Variants in HTT observed in about 807,000 individuals in gnomAD.
HTT encodes huntingtin.
Under a neutral mutation model 362.3 loss-of-function variants are expected in HTT, and 104 were observed. That is an observed-to-expected ratio of 0.29 (90% CI 0.24 to 0.34). The LOEUF is 0.34. Ranked by LOEUF, HTT falls within the 10% of genes least tolerant of loss-of-function variation. The probability of loss-of-function intolerance (pLI) is 1.00; values close to 1 mark genes in which losing one functional copy is unlikely to be tolerated. For synonymous variants in HTT, 1,577 were observed against 1,548.7 expected (o/e 1.02, Z -0.43); for missense variants, 3,301 against 3,928.6 (o/e 0.84, Z 4.27).
chr4:3,083,530 T>TATATACACACAC (rs1165543364), intron 1 of HTT, among the ~76,000 whole-genome samples: 5 of 125,126 alleles, frequency 4.0e-5, no homozygotes, highest in Non-Finnish European at 8.6e-5. Context: ...TCTCTAAATA[T>TATATACACACAC]ACACACACAC....
rs750059663 is a variant in HTT at position 3,121,210 on chromosome 4, G to T, written c.1069-18G>T. 6.3e-7 allele frequency: 1 copy of T among 1,596,328 alleles called. No individual in the cohort carries two copies. ...TTTATAAACTCTGACCAGAACACCTGTGTTTCTCTGTTTCTAGGTTTATGA... is the reference window on the plus strand; with the variant it reads ...TTTATAAACTCTGACCAGAACACCTTTGTTTCTCTGTTTCTAGGTTTATGA... On this transcript the variant is annotated intron_variant, in intron 8 of 66. Transcript: ENST00000355072.
chr4:3,105,971 C>T (rs1167166701), intron 5 of HTT, among the ~76,000 whole-genome samples: 1 of 152,168 alleles, frequency 6.6e-6, no homozygotes, highest in East Asian at 1.9e-4. Flanking sequence ...TCTCCTTAAC[C>T]AGCAATACAT....
chr4:3,215,164 C>T lies in HTT; in HGVS notation c.7007C>T (p.Pro2336Leu), dbSNP rs1288350631. The T allele has an allele frequency of 2.5e-6, 4 of 1,614,134 alleles. No individual in the cohort carries two copies. The highest frequency in any genetic ancestry group is 2.5e-6 in the Non-Finnish European group (3 of 1,180,004). Residue 2336 changes from proline (P) to leucine (L), a missense_variant, in exon 51 of 67, where the codon CCA becomes CTA. Transcript: ENST00000355072. ...LLSPERRTNT[P>L]KAISEEEEEV... ...AGTCCAGAAAGAAGGACAAATACCC[C>T]AAAAGCCATCAGCGAGGAGGAGGAG...
At chr4:3,238,663 C>A in intron 65 of HTT, 54 bp downstream of exon 65, 1 of 1,535,750 alleles carries the variant, frequency 6.5e-7, no homozygotes, top group South Asian at 1.2e-5. Context: ...GGTGGAGTTG[C>A]CTCCGACTTC....
chr4:3,204,594 A>C (rs748960506), intron 42 of HTT, among the ~76,000 whole-genome samples: 6 of 152,210 alleles, frequency 3.9e-5, no homozygotes, highest in Non-Finnish European at 7.3e-5. Context: ...CGAGAGGCTG[A>C]GGTAGGAAGA....
At chr4:3,155,502 G>T (rs1717095971) in intron 27 of HTT, among the ~76,000 whole-genome samples, 1 of 151,514 alleles carries the variant, frequency 6.6e-6, no homozygotes, top group African/African-American at 2.4e-5. Context: ...TGGGATTACA[G>T]GCATGAGTCA....
intron 45 of HTT, among the ~76,000 whole-genome samples, chr4:3,208,469 CT>C (rs1719975730): frequency 6.6e-6 from 1 of 152,174 alleles, no homozygotes; most frequent in Non-Finnish European, 1.5e-5. Context: ...AGCTTTTATA[CT>C]GTGTATTGCC....
chr4:3,130,986 T>C (rs363082), intron 14 of HTT, among the ~76,000 whole-genome samples: 13,189 of 152,064 alleles, frequency 0.087, 756 homozygotes, highest in African/African-American at 0.17. Flanking sequence ...GCTTTGCTTC[T>C]GCAGCAGCCG....
chr4:3,126,484 C>G (rs552131755), intron 11 of HTT, among the ~76,000 whole-genome samples: 1 of 152,230 alleles, frequency 6.6e-6, no homozygotes, highest in Non-Finnish European at 1.5e-5. Context: ...AATATTTTAG[C>G]TATAACTGAA....
intron 27 of HTT, among the ~76,000 whole-genome samples, chr4:3,154,854 G>A (rs941230765): frequency 1.3e-5 from 2 of 152,244 alleles, no homozygotes; most frequent in African/African-American, 4.8e-5. Context: ...AGAGCTAAAG[G>A]CGAGAGAAAG....
At chr4:3,143,309 C>T (rs182773351) in intron 23 of HTT, among the ~76,000 whole-genome samples, 2,303 of 151,326 alleles carry the variant, frequency 0.015, 61 homozygotes, top group African/African-American at 0.053. Context: ...TGGTGGCGGG[C>T]GCCTGTAATC....
intron 7 of HTT, 100 bp downstream of exon 7, chr4:3,115,545 C>A: frequency 2.1e-6 from 2 of 934,146 alleles, no homozygotes; most frequent in South Asian, 1.6e-5. Context: ...CTAGACCAGG[C>A]TATTTGGCAC....
intron 66 of HTT, 41 bp from the exon 67 acceptor site, chr4:3,239,805 T>A: frequency 7.0e-7 from 1 of 1,437,596 alleles, no homozygotes; most frequent in Non-Finnish European, 9.6e-7. Context: ...GAGGCAGCAT[T>A]CCCCTCATTT....
chr4:3,120,972 C>T (rs1405201688), intron 8 of HTT, among the ~76,000 whole-genome samples: 1 of 152,074 alleles, frequency 6.6e-6, no homozygotes, highest in Non-Finnish European at 1.5e-5. Flanking sequence ...AAATAGAGAT[C>T]TTCATTCTCA....
intron 1 of HTT, among the ~76,000 whole-genome samples, chr4:3,078,387 G>A (rs554242249): frequency 3.3e-5 from 5 of 152,270 alleles, no homozygotes; most frequent in Non-Finnish European, 5.9e-5. Context: ...TATACAGTAC[G>A]TTAATACGTG....
intron 1 of HTT, among the ~76,000 whole-genome samples, chr4:3,075,737 A>G (rs954926502): frequency 1.3e-5 from 2 of 151,178 alleles, no homozygotes; most frequent in Non-Finnish European, 1.5e-5. Context: ...GGCTCTTCCT[A>G]CATTGTCAGG....
chr4:3,173,729 T>C (rs999710117), intron 31 of HTT, among the ~76,000 whole-genome samples: 4 of 151,512 alleles, frequency 2.6e-5, no homozygotes, highest in Admixed American at 1.3e-4. Flanking sequence ...AGTGCAGTGG[T>C]GCAATCTCAG....
At chr4:3,220,129 TA>T in intron 52 of HTT, 52 bp from the exon 53 acceptor site, 1 of 1,604,420 alleles carries the variant, frequency 6.2e-7, no homozygotes, top group Non-Finnish European at 8.5e-7. Flanking sequence ...TTCCTCACAG[TA>T]TGTCTGTCCT....
chr4:3,100,643 A>T (rs1039807417), intron 3 of HTT, among the ~76,000 whole-genome samples: 8 of 152,236 alleles, frequency 5.3e-5, no homozygotes, highest in African/African-American at 1.9e-4. Flanking sequence ...GCATGGTGCC[A>T]TTTAGGGCCT....
Sources: gnomAD v4.1 joint callset for allele counts (sites outside exome capture counted in the v4.1 genomes callset) on GRCh38, gnomAD v4.1.1 for gene constraint, MANE v1.5 for transcripts, NCBI Gene and HGNC (gene_info 2026-07-23, HGNC 2026-07-21) for gene names.